The following TNIK variants were observed in gnomAD, a reference collection of about 807,000 sequenced individuals.
The protein encoded by TNIK is TRAF2 and NCK-interacting protein kinase.
In TNIK, 49 loss-of-function variants were observed where a neutral mutation model predicts 191.3. That is an observed-to-expected ratio of 0.26 (90% confidence interval 0.20 to 0.32). TNIK has a LOEUF of 0.32. Among genes scored for constraint, TNIK ranks in the 10% least tolerant of loss-of-function variants. The pLI, the probability that TNIK is intolerant of heterozygous loss-of-function variation, is 1.00. For missense variants in TNIK, 1,155 were observed against 1,702.3 expected (o/e 0.68, Z 5.66); for synonymous variants, 594 against 600.9 (o/e 0.99, Z 0.17).
intron 23 of TNIK, among the ~76,000 whole-genome samples, chr3:171,088,536 G>T (rs1442642579): frequency 6.6e-6 from 1 of 152,096 alleles, no homozygotes; most frequent in African/African-American, 2.4e-5. Context: ...CCCGGCCAAA[G>T]GTATTTTATA....
At chr3:171,145,084 C>G in intron 12 of TNIK, among the ~76,000 whole-genome samples, 1 of 119,648 alleles carries the variant, frequency 8.4e-6, no homozygotes, top group South Asian at 2.9e-4. Context: ...ACAGCTATCT[C>G]TCTCTTTTTT....
intron 2 of TNIK, among the ~76,000 whole-genome samples, chr3:171,334,101 A>G (rs1291961987): frequency 6.6e-6 from 1 of 152,200 alleles, no homozygotes; most frequent in East Asian, 1.9e-4. Flanking sequence ...ACAGCACTGG[A>G]CAGTGGGTGG....
chr3:171,115,835 G>T (rs571211056), intron 18 of TNIK, among the ~76,000 whole-genome samples: 1 of 152,340 alleles, frequency 6.6e-6, no homozygotes, highest in African/African-American at 2.4e-5. Context: ...CAAGTCAGAT[G>T]ATGAGGCCTG....
chr3:171,235,244 G>T (rs1744119357), intron 2 of TNIK, among the ~76,000 whole-genome samples: 1 of 152,160 alleles, frequency 6.6e-6, no homozygotes, highest in South Asian at 2.1e-4. Context: ...GTTTCGCCAT[G>T]TTGGCCAGGC....
intron 4 of TNIK, among the ~76,000 whole-genome samples, chr3:171,202,816 T>G (rs1251968087): frequency 1.3e-5 from 2 of 152,222 alleles, no homozygotes; most frequent in Non-Finnish European, 2.9e-5. Flanking sequence ...ACTGGGAGAC[T>G]GTTTACAATC....
intron 3 of TNIK, among the ~76,000 whole-genome samples, chr3:171,218,366 G>A (rs896525355): frequency 2.0e-5 from 3 of 152,084 alleles, no homozygotes; most frequent in Admixed American, 1.3e-4. Context: ...AGAAAACCAC[G>A]AATTAACAAG....
intron 2 of TNIK, among the ~76,000 whole-genome samples, chr3:171,329,920 C>T (rs982818700): frequency 6.6e-6 from 1 of 152,124 alleles, no homozygotes; most frequent in African/African-American, 2.4e-5. Context: ...TTTGAAAGAA[C>T]CCTGGCACTA....
rs1717906642 is a variant in TNIK at position 171,062,299 on chromosome 3, A to T, written c.*1582T>A. 6.6e-6 allele frequency: 1 copy of T among 152,158 alleles called. No homozygotes were observed. The highest frequency in any genetic ancestry group is 2.4e-5 in the African/African-American group (1 of 41,438). The allele number at this position is 152,158 out of a possible 1,614,324, so 9.4% of individuals were successfully genotyped here. A position where few individuals can be genotyped will look rare whatever the true frequency, so the allele number is the denominator to read the frequency against. On this transcript the variant is annotated 3_prime_UTR_variant, in exon 33 of 33. Coordinates refer to ENST00000436636, the MANE Select transcript of TNIK (RefSeq NM_015028.4). ...ATTTGGTCAACTACTGTTTCGTTTT[A>T]AAAATGTTAAATGCACCTGAGATTG...
chr3:171,424,359 A>G (rs1047145746), intron 1 of TNIK, among the ~76,000 whole-genome samples: 5 of 152,234 alleles, frequency 3.3e-5, no homozygotes, highest in African/African-American at 1.2e-4. Context: ...ATGTGGAGAA[A>G]TAGGAACACT....
chr3:171,381,692 GAATA>G (rs1718050533), intron 1 of TNIK, among the ~76,000 whole-genome samples: 1 of 152,196 alleles, frequency 6.6e-6, no homozygotes, highest in Non-Finnish European at 1.5e-5. Context: ...AGCTAGGAAT[GAATA>G]CATGACTAAA....
chr3:171,147,951 T>C (rs1249225061), intron 12 of TNIK, among the ~76,000 whole-genome samples: 1 of 152,182 alleles, frequency 6.6e-6, no homozygotes, highest in Non-Finnish European at 1.5e-5. Context: ...CCCCTCTTTC[T>C]ATCTTTACTT....
At chr3:171,264,109 CACATATAT>C (rs1444840910) in intron 2 of TNIK, among the ~76,000 whole-genome samples, 17 of 57,794 alleles carry the variant, frequency 2.9e-4, no homozygotes, top group African/African-American at 1.4e-3. Flanking sequence ...CACACACACA[CACATATAT>C]ATATATATAT....
chr3:171,231,758 G>C (rs1198434399), intron 2 of TNIK, among the ~76,000 whole-genome samples: 1 of 152,158 alleles, frequency 6.6e-6, no homozygotes, highest in African/African-American at 2.4e-5. Flanking sequence ...TTGTAAGACA[G>C]TTTTTAAAGA....
chr3:171,250,631 G>A (rs1746120385), intron 2 of TNIK, among the ~76,000 whole-genome samples: 1 of 152,202 alleles, frequency 6.6e-6, no homozygotes, highest in Admixed American at 6.5e-5. Flanking sequence ...CACAGGCCCT[G>A]TGGTCAGATA....
At chr3:171,305,305 TAAAG>T (rs1318256387) in intron 2 of TNIK, among the ~76,000 whole-genome samples, 1 of 152,036 alleles carries the variant, frequency 6.6e-6, no homozygotes, top group Non-Finnish European at 1.5e-5. Flanking sequence ...CTTTTCCCAT[TAAAG>T]AAAATATTTC....
chr3:171,127,032 G>C lies in TNIK; in HGVS notation c.1774-881C>G, dbSNP rs1301515407. ...TTACTTCACGAAGGTGAGCTCCCTA[G>C]AGAGAGGCACTATGTCTGTCATGCT... On this transcript the variant is annotated intron_variant, in intron 16 of 32. Transcript: ENST00000436636. Among the ~76,000 whole-genome samples, 6 of 152,218 alleles carry C rather than the reference G, an allele frequency of 3.9e-5. No homozygotes were observed. The East Asian group carries it at 1.2e-3, about 29-fold the overall frequency.
chr3:171,099,992 A>G (rs1723242662), intron 22 of TNIK, among the ~76,000 whole-genome samples: 1 of 152,322 alleles, frequency 6.6e-6, no homozygotes, highest in South Asian at 2.1e-4. Flanking sequence ...AACTTTTGGA[A>G]GACAAAATCC....
At chr3:171,102,304 T>C (rs1360819490) in intron 21 of TNIK, among the ~76,000 whole-genome samples, 1 of 152,158 alleles carries the variant, frequency 6.6e-6, no homozygotes, top group African/African-American at 2.4e-5. Flanking sequence ...TTTTCTTTTG[T>C]TTTAAATTCC....
intron 2 of TNIK, among the ~76,000 whole-genome samples, chr3:171,327,740 G>A (rs1255340490): frequency 6.6e-6 from 1 of 151,866 alleles, no homozygotes; most frequent in Non-Finnish European, 1.5e-5. Flanking sequence ...CCGCAGCATA[G>A]CCTAGCCTTC....
Sources: gnomAD v4.1 joint callset for allele counts (sites outside exome capture counted in the v4.1 genomes callset) on GRCh38, gnomAD v4.1.1 for gene constraint, MANE v1.5 for transcripts, NCBI Gene and HGNC (gene_info 2026-07-23, HGNC 2026-07-21) for gene names.